The following PCCA variants were observed in gnomAD, a reference collection of about 807,000 sequenced individuals.
The protein encoded by PCCA is propionyl-CoA carboxylase alpha chain, mitochondrial.
Under a neutral mutation model 101.3 loss-of-function variants are expected in PCCA, and 74 were observed. The observed-to-expected ratio is 0.73, with a 90% CI of 0.61 to 0.89. The LOEUF is 0.89. Among genes scored for constraint, PCCA ranks in the 40% least tolerant of loss-of-function variants. PCCA has a pLI of 0.00. For synonymous variants in PCCA, 294 were observed against 313.6 expected, an observed-to-expected ratio of 0.94 and a Z score of 0.66; for missense variants, 891 against 907.0, an observed-to-expected ratio of 0.98 and a Z score of 0.23.
intron 2 of PCCA, among the ~76,000 whole-genome samples, chr13:100,108,385 C>T (rs2048002594): frequency 1.3e-5 from 2 of 152,138 alleles, no homozygotes; most frequent in African/African-American, 4.8e-5. Context: ...TTCAGGGTGC[C>T]TTATGAGTGA....
At chr13:100,106,234 A>T (rs1453769430) in intron 2 of PCCA, among the ~76,000 whole-genome samples, 1 of 152,048 alleles carries the variant, frequency 6.6e-6, no homozygotes, top group Non-Finnish European at 1.5e-5. Flanking sequence ...AGCAGGTTTT[A>T]TGATTCTTTT....
At chr13:100,275,220 G>A (rs1049193697) in intron 12 of PCCA, among the ~76,000 whole-genome samples, 1 of 152,144 alleles carries the variant, frequency 6.6e-6, no homozygotes, top group African/African-American at 2.4e-5. Context: ...CTTCATGGGA[G>A]CCGTGTCTTC....
intron 7 of PCCA, among the ~76,000 whole-genome samples, chr13:100,230,015 C>T (rs1260031748): frequency 6.6e-6 from 1 of 152,156 alleles, no homozygotes; most frequent in Non-Finnish European, 1.5e-5. Context: ...GTGTCTTATC[C>T]TAACAGACTA....
At chr13:100,130,264 C>T (rs1237324306) in intron 4 of PCCA, among the ~76,000 whole-genome samples, 1 of 152,244 alleles carries the variant, frequency 6.6e-6, no homozygotes, top group Non-Finnish European at 1.5e-5. Flanking sequence ...GCTTCCTTTG[C>T]TGCTTGTTCC....
At chr13:100,397,484 A>T (rs955872061) in intron 19 of PCCA, among the ~76,000 whole-genome samples, 3 of 151,496 alleles carry the variant, frequency 2.0e-5, no homozygotes, top group African/African-American at 7.4e-5. Flanking sequence ...CGATGTTTAT[A>T]GTTGGGGAAA....
chr13:100,243,708 C>A (rs1041562759), intron 8 of PCCA, among the ~76,000 whole-genome samples: 1 of 152,114 alleles, frequency 6.6e-6, no homozygotes, highest in African/African-American at 2.4e-5. Context: ...ATCTTATGTT[C>A]TTTGAAAGTC....
intron 6 of PCCA, chr13:100,160,863 T>C (rs2054392565): frequency 1.3e-5 from 2 of 152,226 alleles, no homozygotes; most frequent in Non-Finnish European, 2.9e-5. Flanking sequence ...TTCTATGTTG[T>C]TTTAATCATA....
intron 8 of PCCA, among the ~76,000 whole-genome samples, chr13:100,240,044 C>G (rs910985068): frequency 2.0e-5 from 3 of 152,146 alleles, no homozygotes; most frequent in Non-Finnish European, 2.9e-5. Context: ...CTCCTCCAAA[C>G]TACTTTTGTC....
At chr13:100,387,830 C>A (rs1429599274) in intron 19 of PCCA, among the ~76,000 whole-genome samples, 1 of 152,126 alleles carries the variant, frequency 6.6e-6, no homozygotes, top group Non-Finnish European at 1.5e-5. Context: ...GCACCTGTAC[C>A]CTCTTGAATG....
At chr13:100,303,073 T>A (rs1351057050) in intron 14 of PCCA, 75 bp downstream of exon 14, 2 of 865,764 alleles carry the variant, frequency 2.3e-6, no homozygotes, top group African/African-American at 1.7e-5. Flanking sequence ...TTAAAGCATG[T>A]CAACACCAAA....
At position 100,375,172 on chromosome 13, in the gene PCCA, C is replaced by T. The variant is rs144115187; in HGVS notation, c.1746+6598C>T. ...GTTGTTCAGTTTCCATGTAGTTGTGCGGTTTCGAATGAGTTTCTTAATCCT... is the reference window on the plus strand; with the variant it reads ...GTTGTTCAGTTTCCATGTAGTTGTGTGGTTTCGAATGAGTTTCTTAATCCT... On this transcript the variant is annotated intron_variant, in intron 19 of 23. Coordinates refer to ENST00000376285, the MANE Select transcript of PCCA (RefSeq NM_000282.4). Among the ~76,000 whole-genome samples, 80 of 152,186 alleles carry T rather than the reference C, an allele frequency of 5.3e-4. 1 individual carries two copies. In the East Asian group the frequency reaches 0.015, roughly 29 times the overall value.
chr13:100,448,052 T>TA (rs1370974764), intron 20 of PCCA, among the ~76,000 whole-genome samples: 1 of 152,228 alleles, frequency 6.6e-6, no homozygotes, highest in African/African-American at 2.4e-5. Flanking sequence ...TCTGGGAACT[T>TA]AAAAAAATGA....
intron 18 of PCCA, among the ~76,000 whole-genome samples, chr13:100,344,977 C>T (rs906889338): frequency 2.0e-5 from 3 of 152,090 alleles, no homozygotes; most frequent in African/African-American, 4.8e-5. Context: ...AAACCATGCA[C>T]GTGTAAGGTG....
chr13:100,435,218 T>G (rs1363118669), intron 20 of PCCA, among the ~76,000 whole-genome samples: 1 of 152,116 alleles, frequency 6.6e-6, no homozygotes, highest in Non-Finnish European at 1.5e-5. Context: ...TCAGGGAGCT[T>G]TCAGTCATGG....
intron 10 of PCCA, among the ~76,000 whole-genome samples, chr13:100,263,775 T>C (rs1390313797): frequency 2.0e-5 from 3 of 151,880 alleles, no homozygotes; most frequent in Non-Finnish European, 4.4e-5. Context: ...TATCTGTATA[T>C]CATATATACG....
At position 100,406,300 on chromosome 13, in the gene PCCA, A is replaced by G. The variant is rs140883595; in HGVS notation, c.1747-19333A>G. ...ACAACTATTTTGTCATAAGTTAAGAACACTCACAGATAGTTTCCAAATTCT... is the reference window on the plus strand; with the variant it reads ...ACAACTATTTTGTCATAAGTTAAGAGCACTCACAGATAGTTTCCAAATTCT... On this transcript the variant is annotated intron_variant, in intron 19 of 23. Coordinates refer to ENST00000376285, the MANE Select transcript of PCCA (RefSeq NM_000282.4). 2.0e-5 allele frequency among the ~76,000 whole-genome samples: 3 copies of G among 152,384 alleles called. No homozygotes were observed. The East Asian group carries it at 5.8e-4, about 29-fold the overall frequency.
chr13:100,300,360 A>G (rs117841774), intron 12 of PCCA, among the ~76,000 whole-genome samples: 50 of 152,164 alleles, frequency 3.3e-4, no homozygotes, highest in Non-Finnish European at 5.9e-4. Context: ...TTTTTTTAAG[A>G]CTATGGCATT....
intron 20 of PCCA, among the ~76,000 whole-genome samples, chr13:100,446,050 G>GT (rs1474407108): frequency 6.6e-6 from 1 of 151,420 alleles, no homozygotes; most frequent in Non-Finnish European, 1.5e-5. Flanking sequence ...TCTTTTCTTT[G>GT]TTTTTTTGAA....
chr13:100,463,700 G>A (rs960201541), intron 21 of PCCA, among the ~76,000 whole-genome samples: 2 of 152,196 alleles, frequency 1.3e-5, no homozygotes, highest in Non-Finnish European at 2.9e-5. Flanking sequence ...AAGCCATGCA[G>A]TAGATGAACC....
Sources: allele counts gnomAD v4.1 joint callset (sites outside exome capture counted in the v4.1 genomes callset), GRCh38; gene constraint gnomAD v4.1.1; transcripts MANE v1.5; gene names NCBI Gene and HGNC (gene_info 2026-07-23, HGNC 2026-07-21).